SLC8A1: variants seen among roughly 807,000 people sequenced by gnomAD.
The protein encoded by SLC8A1 is solute carrier family 8 member A1.
A neutral mutation model predicts 68.3 loss-of-function variants in SLC8A1; 18 were observed. That is an observed-to-expected ratio of 0.26 (90% CI 0.18 to 0.39). SLC8A1 has a LOEUF of 0.39. Among genes scored for constraint, SLC8A1 ranks in the 10% least tolerant of loss-of-function variants. SLC8A1 has a pLI of 1.00. For synonymous variants in SLC8A1, 475 were observed against 415.5 expected, an observed-to-expected ratio of 1.14 and a Z score of -1.74; for missense variants, 985 against 1,156.7, an observed-to-expected ratio of 0.85 and a Z score of 2.15.
intron 2 of SLC8A1, among the ~76,000 whole-genome samples, chr2:40,271,249 A>G (rs1450840979): frequency 7.6e-6 from 1 of 131,424 alleles, no homozygotes; most frequent in Admixed American, 8.0e-5. Context: ...CTCCTCTCCC[A>G]CCTCCCCTCC....
At position 40,278,162 on chromosome 2, in the gene SLC8A1, C is replaced by T. The variant is rs571916399; in HGVS notation, c.1809-100307G>A. Among the ~76,000 whole-genome samples the T allele has an allele frequency of 2.0e-5, 3 of 151,958 alleles. No homozygotes were observed. In the South Asian group the frequency reaches 6.3e-4, roughly 32 times the overall value. On this transcript the variant is annotated intron_variant, in intron 2 of 7. Coordinates refer to ENST00000406785, the Ensembl canonical transcript of SLC8A1. ...AGACATTAACTCTATAATTTATTTA[C>T]CTGTATCTCTAAAAAAGGGCATCAC...
intron 6 of SLC8A1, among the ~76,000 whole-genome samples, chr2:40,147,021 G>A (rs931523458): frequency 1.3e-5 from 2 of 152,182 alleles, no homozygotes; most frequent in Non-Finnish European, 2.9e-5. Flanking sequence ...AAAACAGAAT[G>A]CTTACAAGCT....
intron 2 of SLC8A1, among the ~76,000 whole-genome samples, chr2:40,307,456 G>A (rs2072869266): frequency 6.6e-6 from 1 of 152,124 alleles, no homozygotes; most frequent in Non-Finnish European, 1.5e-5. Context: ...CTGGAGATCT[G>A]TTCCGCAATG....
At chr2:40,428,181 C>T (rs956923850) in intron 2 of SLC8A1, among the ~76,000 whole-genome samples, 1 of 152,046 alleles carries the variant, frequency 6.6e-6, no homozygotes, top group African/African-American at 2.4e-5. Flanking sequence ...ATCTGATAAA[C>T]TGTGTCCCAT....
chr2:40,429,836 T>A, exon 2 of SLC8A1: 1 of 1,613,660 alleles, frequency 6.2e-7, no homozygotes, highest in Non-Finnish European at 8.5e-7. Flanking sequence ...GAAAGGAGAA[T>A]CTCAGGAGCA....
At chr2:40,420,360 TA>T (rs200504689) in intron 2 of SLC8A1, among the ~76,000 whole-genome samples, 60 of 138,402 alleles carry the variant, frequency 4.3e-4, no homozygotes, top group Admixed American at 5.2e-4. Flanking sequence ...GGTAACACAT[TA>T]AAAAAAAAAA....
intron 7 of SLC8A1, 136 bp from the exon 11 acceptor site, chr2:40,115,765 C>T: frequency 1.7e-6 from 2 of 1,155,070 alleles, no homozygotes; most frequent in East Asian, 4.8e-5. Context: ...TTTGATGTTC[C>T]TCTGAGTCAG....
intron 1 of SLC8A1, among the ~76,000 whole-genome samples, chr2:40,495,744 C>T (rs956896751): frequency 2.0e-5 from 3 of 152,062 alleles, no homozygotes; most frequent in Admixed American, 6.6e-5. Flanking sequence ...ACTGAATTTA[C>T]ATGTCTTGTG....
chr2:40,334,717 T>C (rs539497480), intron 2 of SLC8A1, among the ~76,000 whole-genome samples: 1 of 152,310 alleles, frequency 6.6e-6, no homozygotes, highest in East Asian at 1.9e-4. Flanking sequence ...ATCAGATCAT[T>C]GATCAAATGA....
At chr2:40,386,540 G>C (rs1433036658) in intron 2 of SLC8A1, among the ~76,000 whole-genome samples, 1 of 147,766 alleles carries the variant, frequency 6.8e-6, no homozygotes, top group African/African-American at 2.5e-5. Flanking sequence ...AATGAAAAAA[G>C]AGATAATGAA....
intron 2 of SLC8A1, among the ~76,000 whole-genome samples, chr2:40,340,219 T>C (rs1667257009): frequency 6.6e-6 from 1 of 152,198 alleles, no homozygotes; most frequent in African/African-American, 2.4e-5. Context: ...CATGTCTATT[T>C]CAAACTTCTG....
chr2:40,272,393 C>A (rs1170330596), intron 2 of SLC8A1, among the ~76,000 whole-genome samples: 1 of 152,202 alleles, frequency 6.6e-6, no homozygotes, highest in African/African-American at 2.4e-5. Flanking sequence ...ACTCCCACTA[C>A]TCTCTCCCTC....
chr2:40,226,247 T>C (rs2058962199), intron 2 of SLC8A1, among the ~76,000 whole-genome samples: 1 of 152,122 alleles, frequency 6.6e-6, no homozygotes, highest in African/African-American at 2.4e-5. Flanking sequence ...TACTCAAACT[T>C]AGCCTTGCTG....
In SLC8A1 at chr2:40,170,188, G is replaced by A. The variant is rs1464360656; in HGVS notation, c.1930+4637C>T. The stretch of plus-strand genomic sequence containing the variant: ...CAGCATTATTTAGCAATGTTTTACA[G>A]AGGAGAGGGGCTAAAATGCATGACT... On this transcript the variant is annotated intron_variant, in intron 4 of 7. Transcript: ENST00000406785. 5 of 1,100,898 alleles carry A rather than the reference G, an allele frequency of 4.5e-6. No homozygotes were observed. In the South Asian group the frequency reaches 5.3e-5, roughly 12 times the overall value. 68.2% of individuals were successfully genotyped at this position (1,100,898 alleles called of 1,614,324 possible). A position where few individuals can be genotyped will look rare whatever the true frequency, so the allele number is the denominator to read the frequency against.
At chr2:40,394,193 G>C (rs192467520) in intron 2 of SLC8A1, among the ~76,000 whole-genome samples, 11 of 152,180 alleles carry the variant, frequency 7.2e-5, no homozygotes, top group African/African-American at 2.6e-4. Flanking sequence ...CTTAAGTTGA[G>C]AAACCCTGCA....
intron 2 of SLC8A1, among the ~76,000 whole-genome samples, chr2:40,286,757 C>A (rs1245944480): frequency 2.0e-5 from 3 of 152,172 alleles, no homozygotes; most frequent in South Asian, 4.1e-4. Flanking sequence ...ACCAAACAAC[C>A]AGGGACCTAC....
chr2:40,099,586 G>C (rs2033777365), exon 8 of SLC8A1: 1 of 151,896 alleles, frequency 6.6e-6, no homozygotes, highest in South Asian at 2.1e-4. Flanking sequence ...TTTGTGATGG[G>C]TCCTTCAAAC....
intron 2 of SLC8A1, among the ~76,000 whole-genome samples, chr2:40,366,867 T>A (rs1202301001): frequency 6.6e-6 from 1 of 152,066 alleles, no homozygotes; most frequent in East Asian, 1.9e-4. Context: ...AAAAAGAGAA[T>A]GTGGCAGCAA....
chr2:40,232,708 TC>T, intron 2 of SLC8A1, among the ~76,000 whole-genome samples: 1 of 128,744 alleles, frequency 7.8e-6, no homozygotes, highest in Non-Finnish European at 1.7e-5. Flanking sequence ...CACTAACTCG[TC>T]ATCTAGCATT....
Sources: allele counts gnomAD v4.1 joint callset (sites outside exome capture counted in the v4.1 genomes callset), GRCh38; gene constraint gnomAD v4.1.1; transcripts MANE v1.5; gene names NCBI Gene and HGNC (gene_info 2026-07-23, HGNC 2026-07-21).